UNC79: variants seen among roughly 807,000 people sequenced by gnomAD.
The protein encoded by UNC79 is unc-79 subunit of NALCN channel complex.
UNC79 carries 37 observed loss-of-function variants against 283.1 expected under a neutral mutation model. That is an observed-to-expected ratio of 0.13 (90% confidence interval 0.10 to 0.17). The LOEUF is 0.17. Ranked by LOEUF, UNC79 falls within the 10% of genes least tolerant of loss-of-function variation. The probability of loss-of-function intolerance (pLI) is 1.00; values close to 1 mark genes in which losing one functional copy is unlikely to be tolerated. For missense variants in UNC79, 2,272 were observed against 3,211.1 expected, an observed-to-expected ratio of 0.71 and a Z score of 7.07; for synonymous variants, 1,107 against 1,200.2, an observed-to-expected ratio of 0.92 and a Z score of 1.61.
intron 1 of UNC79, among the ~76,000 whole-genome samples, chr14:93,342,458 C>T (rs568341232): frequency 6.6e-6 from 1 of 152,222 alleles, no homozygotes; most frequent in Non-Finnish European, 1.5e-5. Context: ...CCTTCCTAGG[C>T]CTCTGGGCCT....
At chr14:93,362,337 GT>G (rs1326546010) in intron 1 of UNC79, among the ~76,000 whole-genome samples, 1 of 151,904 alleles carries the variant, frequency 6.6e-6, no homozygotes, top group Non-Finnish European at 1.5e-5. Flanking sequence ...TGGTTGGTAG[GT>G]TTTTTATTAC....
intron 1 of UNC79, among the ~76,000 whole-genome samples, chr14:93,374,355 G>A (rs761845422): frequency 1.3e-5 from 2 of 152,222 alleles, no homozygotes; most frequent in Non-Finnish European, 2.9e-5. Flanking sequence ...TTGCCCCAGT[G>A]TGTTCAGTAG....
intron 14 of UNC79, among the ~76,000 whole-genome samples, chr14:93,549,369 C>G (rs1307390062): frequency 6.6e-6 from 1 of 152,016 alleles, no homozygotes; most frequent in Non-Finnish European, 1.5e-5. Flanking sequence ...GAGTAGTAAG[C>G]CCAGGTAGAA....
intron 1 of UNC79, among the ~76,000 whole-genome samples, chr14:93,349,334 A>G (rs2139907809): frequency 6.6e-6 from 1 of 152,306 alleles, no homozygotes; most frequent in East Asian, 1.9e-4. Context: ...CGAGACTTTT[A>G]ATGGCAGACT....
chr14:93,370,639 GTACAT>G (rs1566897329), intron 1 of UNC79, among the ~76,000 whole-genome samples: 1 of 152,122 alleles, frequency 6.6e-6, no homozygotes. Flanking sequence ...AGACGTGGTG[GTACAT>G]GCCTGTAGTC....
intron 1 of UNC79, among the ~76,000 whole-genome samples, chr14:93,380,805 T>G (rs542851726): frequency 6.8e-6 from 1 of 147,662 alleles, no homozygotes; most frequent in Admixed American, 6.6e-5. Context: ...ACTCTTATAC[T>G]CATGTTTTTG....
chr14:93,347,334 G>A (rs140891651), intron 1 of UNC79: 3 of 1,601,278 alleles, frequency 1.9e-6, no homozygotes, highest in Admixed American at 3.4e-5. Flanking sequence ...TGCTCGGCCT[G>A]CAGCCCGCTC....
intron 1 of UNC79, among the ~76,000 whole-genome samples, chr14:93,413,064 C>T (rs528003622): frequency 8.5e-5 from 13 of 152,086 alleles, no homozygotes; most frequent in Middle Eastern, 3.4e-3. Flanking sequence ...TTAAGTTTTA[C>T]GGTACATGTG....
intron 14 of UNC79, among the ~76,000 whole-genome samples, chr14:93,554,835 A>G (rs1337329824): frequency 6.6e-6 from 1 of 152,214 alleles, no homozygotes; most frequent in African/African-American, 2.4e-5. Context: ...GTCTTTTAAA[A>G]ACTACATTCC....
At chr14:93,622,652 G>A in exon 30 of UNC79, 1 of 1,614,190 alleles carries the variant, frequency 6.2e-7, no homozygotes, top group Non-Finnish European at 8.5e-7. Context: ...TGATACCAGT[G>A]CAGAATCTGA....
At chr14:93,693,174 T>C (rs1266341666) in intron 46 of UNC79, among the ~76,000 whole-genome samples, 1 of 152,242 alleles carries the variant, frequency 6.6e-6, no homozygotes, top group African/African-American at 2.4e-5. Flanking sequence ...CTTAGTTCAA[T>C]TTAAAGGAAG....
At chr14:93,388,735 G>T (rs1368475581) in intron 1 of UNC79, among the ~76,000 whole-genome samples, 2 of 152,090 alleles carry the variant, frequency 1.3e-5, no homozygotes, top group East Asian at 3.9e-4. Context: ...AGTCTTTTCA[G>T]GTCTGGATGG....
At position 93,593,716 on chromosome 14, in the gene UNC79, G is replaced by A. The variant is rs545809831; in HGVS notation, c.3069G>A (p.Leu1023=). ...TCGTCAAATCCGAGTTCTCTCAGCT[G>A]TCTTCCCTGGCAGTCCCTCTTCTCC... The change falls in exon 23 of 49, where the codon CTG becomes CTA. Residue 1023 remains leucine, a synonymous_variant. Transcript: ENST00000555664. 9 of 1,613,400 alleles carry A rather than the reference G, an allele frequency of 5.6e-6. No individual in the cohort carries two copies. The East Asian group carries it at 1.1e-4, about 20-fold the overall frequency.
In UNC79 at chr14:93,577,933, T is replaced by C; in HGVS notation, c.2303T>C (p.Leu768Ser). 1.9e-6 allele frequency: 3 copies of C among 1,614,220 alleles called. No homozygotes were observed. In the East Asian group the frequency reaches 6.7e-5, roughly 36 times the overall value. Residue 768 changes from leucine (L) to serine (S), a missense_variant, in exon 18 of 49, where the codon TTG (leucine) becomes TCG (serine). Leu to Ser is a moderately radical substitution (Grantham distance 145). Coordinates refer to ENST00000555664, the Ensembl canonical transcript of UNC79. Reference sequence around the variant, plus strand: ...TTCCAGAGTCCGTTTCGGAGTCCTTTGCGTAGTCCGTTTCGTAGCCCTTTC... The same window carrying C: ...TTCCAGAGTCCGTTTCGGAGTCCTTCGCGTAGTCCGTTTCGTAGCCCTTTC...
chr14:93,420,693 G>T (rs948760286), intron 1 of UNC79, among the ~76,000 whole-genome samples: 15 of 151,770 alleles, frequency 9.9e-5, no homozygotes, highest in African/African-American at 3.6e-4. Flanking sequence ...CTCATGGATA[G>T]ACCATATATT....
Position 93,347,975 on chromosome 14 carries a change from A to G in UNC79, c.-351+14452A>G, listed in dbSNP as rs2139902989. Reference sequence around the variant, plus strand: ...TTTAAGCACTTTTTGTTAGGCAGCAAGTCACTGGCCTAGGAAGCCATACTC... The same window carrying G: ...TTTAAGCACTTTTTGTTAGGCAGCAGGTCACTGGCCTAGGAAGCCATACTC... On this transcript the variant is annotated intron_variant, in intron 1 of 49. Transcript: ENST00000256339. 3.7e-6 allele frequency: 4 copies of G among 1,089,268 alleles called. No individual in the cohort carries two copies. The East Asian group carries it at 7.1e-5, about 19-fold the overall frequency. 67.5% of individuals were successfully genotyped at this position (1,089,268 alleles called of 1,614,324 possible).
At chr14:93,378,181 T>C (rs2054598393) in intron 1 of UNC79, among the ~76,000 whole-genome samples, 2 of 152,218 alleles carry the variant, frequency 1.3e-5, no homozygotes, top group Non-Finnish European at 2.9e-5. Flanking sequence ...AATGCTTTTG[T>C]CCTCCTTACC....
At chr14:93,662,872 C>G (rs144658835) in intron 40 of UNC79, among the ~76,000 whole-genome samples, 158 bp downstream of exon 43, 9 of 150,714 alleles carry the variant, frequency 6.0e-5, no homozygotes, top group African/African-American at 2.2e-4. Flanking sequence ...TAAGGAAACA[C>G]TTTAAACACA....
At chr14:93,657,921 G>C (rs1033070815) in intron 38 of UNC79, among the ~76,000 whole-genome samples, 5 of 152,138 alleles carry the variant, frequency 3.3e-5, no homozygotes, top group Admixed American at 2.0e-4. Flanking sequence ...GGGAGCGCAG[G>C]CTTCTGGTTG....
Sources: gnomAD v4.1 joint callset for allele counts (sites outside exome capture counted in the v4.1 genomes callset) on GRCh38, gnomAD v4.1.1 for gene constraint, MANE v1.5 for transcripts, NCBI Gene and HGNC (gene_info 2026-07-23, HGNC 2026-07-21) for gene names.